The following CASP6 variants were observed in gnomAD, a reference collection of about 807,000 sequenced individuals.
CASP6 encodes the protein caspase 6, also known as caspase-6.
A neutral mutation model predicts 31.8 loss-of-function variants in CASP6; 20 were observed. That is an observed-to-expected ratio of 0.63 (90% CI 0.44 to 0.91). CASP6 has a LOEUF of 0.91. Ranked by LOEUF, CASP6 falls within the 40% of genes least tolerant of loss-of-function variation. The pLI is 0.00. For missense variants in CASP6, 328 were observed against 361.1 expected, an observed-to-expected ratio of 0.91 and a Z score of 0.74; for synonymous variants, 130 against 127.8, an observed-to-expected ratio of 1.02 and a Z score of -0.12.
intron 1 of CASP6, chr4:109,702,980 C>T (rs184396402): frequency 1.9e-5 from 5 of 260,660 alleles, no homozygotes; most frequent in East Asian, 7.0e-5. Context: ...ACATTTCAAA[C>T]GGCCAGGTGT....
Position 109,688,800 on chromosome 4 carries a change from A to C in CASP6, c.*530T>G, listed in dbSNP as rs1729925148. The stretch of plus-strand genomic sequence containing the variant: ...ATAATACAAATGCTTATAAATTTTT[A>C]TTTATCTAATTTCCTGAGGATTTTG... On this transcript the variant is annotated 3_prime_UTR_variant, in exon 7 of 7. Coordinates refer to ENST00000265164, the MANE Select transcript of CASP6 (RefSeq NM_001226.4). 1 of 151,310 alleles carries C rather than the reference A, an allele frequency of 6.6e-6. No homozygotes were observed. The highest frequency in any genetic ancestry group is 1.5e-5 in the Non-Finnish European group (1 of 67,850). The allele number at this position is 151,310 out of a possible 1,614,324, so 9.4% of individuals were successfully genotyped here.
chr4:109,696,430 AGTT>A lies in CASP6; in HGVS notation c.284_286del (p.Glu95_Leu96delinsVal), dbSNP rs1579110418. The A allele has an allele frequency of 6.2e-7, 1 of 1,612,694 alleles. No individual in the cohort carries two copies. On this transcript the variant is annotated inframe_deletion, in exon 4 of 7. Coordinates refer to ENST00000265164, the MANE Select transcript of CASP6 (RefSeq NM_001226.4). ...CCTACCCTCATGAATTTTGAGCAGT[AGTT>A]CTTCTGCTTTAAGATCATTAAAGCA...
chr4:109,706,164 TATATATACAC>T (rs1455238082), upstream of CASP6, among the ~76,000 whole-genome samples: 165 of 90,638 alleles, frequency 1.8e-3, 5 homozygotes, highest in African/African-American at 1.0e-2. Flanking sequence ...TATATATATA[TATATATACAC>T]ACACACATAT....
the CASP6 span, among the ~76,000 whole-genome samples, chr4:109,681,960 C>T: frequency 3.3e-5 from 5 of 152,204 alleles, no homozygotes; most frequent in Non-Finnish European, 1.5e-5. Flanking sequence ...ATTGCTGGCT[C>T]GAATGCCTGG....
chr4:109,687,327 C>T (rs1729868910), downstream of CASP6, among the ~76,000 whole-genome samples: 1 of 152,076 alleles, frequency 6.6e-6, no homozygotes, highest in South Asian at 2.1e-4. Flanking sequence ...GCACTGCACT[C>T]CTGCCTGGGT....
chr4:109,693,936 A>G (rs1235602254), intron 5 of CASP6, among the ~76,000 whole-genome samples: 1 of 151,814 alleles, frequency 6.6e-6, no homozygotes, highest in African/African-American at 2.4e-5. Context: ...ACAGGGTTTC[A>G]CCATGTTTGC....
chr4:109,706,546 G>T (rs1369824949), upstream of CASP6, among the ~76,000 whole-genome samples: 1 of 152,106 alleles, frequency 6.6e-6, no homozygotes, highest in Non-Finnish European at 1.5e-5. Flanking sequence ...GCAGGGTTTG[G>T]GGGGATTGAC....
rs756861876 is a variant in CASP6, at chr4:109,703,437, T to C, written c.-42A>G. ...GCCAGACACCTTGCCCTCCTCTTCC[T>C]GAAGCCACAGGCTCCCGGGCCCGGC... On this transcript the variant is annotated 5_prime_UTR_variant, in exon 1 of 7. Transcript: ENST00000265164. 3.1e-6 allele frequency: 5 copies of C among 1,604,046 alleles called. No homozygotes were observed. Among genetic ancestry groups the C allele is most frequent in the African/African-American group, 1.3e-5 (1 of 74,706 alleles).
At chr4:109,702,326 CT>C (rs377758495) in intron 1 of CASP6, among the ~76,000 whole-genome samples, 260 of 146,414 alleles carry the variant, frequency 1.8e-3, no homozygotes, top group African/African-American at 4.4e-3. Flanking sequence ...GCGTTTCGTT[CT>C]TTTTTTTTTT....
Position 109,690,928 on chromosome 4 carries a change from T to G in CASP6, c.565A>C (p.Ile189Leu). The G allele has an allele frequency of 1.2e-6, 2 of 1,613,856 alleles. No individual in the cohort carries two copies. Among genetic ancestry groups the G allele is most frequent in the South Asian group, 1.1e-5 (1 of 91,008 alleles). Residue 189 changes from isoleucine (I) to leucine (L), a missense_variant, in exon 6 of 7, where the codon ATA becomes CTA. By Grantham distance (5) the Ile-to-Leu change is conservative. Coordinates refer to ENST00000265164, the MANE Select transcript of CASP6 (RefSeq NM_001226.4). ...ACGGAGGCTGCATCCACCTCAGTTA[T>G]GTTGGTGTCCAACTTCTCTGTCTGA... ...DNQTEKLDTN[I>L]TEVDAASVYT...
the CASP6 span, among the ~76,000 whole-genome samples, chr4:109,674,418 A>G: frequency 1.3e-5 from 2 of 152,216 alleles, no homozygotes; most frequent in African/African-American, 4.8e-5. Context: ...ACTTAGTTCT[A>G]AAGAAGATAA....
chr4:109,703,575 G>A (rs557982579), upstream of CASP6: 14 of 732,720 alleles, frequency 1.9e-5, no homozygotes, highest in Middle Eastern at 4.0e-4. Flanking sequence ...CCTTCCCAGA[G>A]TTAAAGCTCC....
chr4:109,709,721 G>T, the CASP6 span, among the ~76,000 whole-genome samples: 1 of 152,118 alleles, frequency 6.6e-6, no homozygotes, highest in Non-Finnish European at 1.5e-5. Flanking sequence ...GAAATATAGG[G>T]AATAAAGTTA....
intron 1 of CASP6, among the ~76,000 whole-genome samples, chr4:109,703,079 G>A (rs993383082): frequency 6.6e-6 from 1 of 152,182 alleles, no homozygotes; most frequent in Non-Finnish European, 1.5e-5. Context: ...GGAGGACAAA[G>A]GCGGCAGGGG....
chr4:109,665,018 C>T, the CASP6 span, among the ~76,000 whole-genome samples: 8 of 152,140 alleles, frequency 5.3e-5, no homozygotes, highest in Non-Finnish European at 1.0e-4. Context: ...AGAGAGTTCC[C>T]ATATGCTCTC....
intron 3 of CASP6, among the ~76,000 whole-genome samples, chr4:109,696,781 GTTTTTTTTT>G (rs757024540): frequency 7.9e-6 from 1 of 126,756 alleles, no homozygotes; most frequent in African/African-American, 3.0e-5. Context: ...ACTCAGGCAA[GTTTTTTTTT>G]TTTTTTTTTT....
the CASP6 span, among the ~76,000 whole-genome samples, chr4:109,668,004 A>G: frequency 6.6e-6 from 1 of 152,028 alleles, no homozygotes; most frequent in Non-Finnish European, 1.5e-5. Flanking sequence ...ATCCGAAAGC[A>G]TACATTGTAT....
At chr4:109,676,079 G>C in the CASP6 span, among the ~76,000 whole-genome samples, 1 of 152,212 alleles carries the variant, frequency 6.6e-6, no homozygotes, top group South Asian at 2.1e-4. Context: ...ATTTGGTAAT[G>C]GGCAAAGGCT....
chr4:109,684,211 T>C (rs199901198), downstream of CASP6, among the ~76,000 whole-genome samples: 2 of 151,932 alleles, frequency 1.3e-5, no homozygotes, highest in South Asian at 2.1e-4. Flanking sequence ...TACAGGCGCC[T>C]GCCACCATGC....
Sources: allele counts gnomAD v4.1 joint callset (sites outside exome capture counted in the v4.1 genomes callset), GRCh38; gene constraint gnomAD v4.1.1; transcripts MANE v1.5; gene names NCBI Gene and HGNC (gene_info 2026-07-23, HGNC 2026-07-21).